ZNF521: variants seen among roughly 807,000 people sequenced by gnomAD.
ZNF521 encodes LYST-interacting protein 3.
Under a neutral mutation model 105.5 loss-of-function variants are expected in ZNF521, and 14 were observed. The ratio of observed to expected loss-of-function variants is 0.13; its 90% CI spans 0.09 to 0.21. The LOEUF is 0.21. Ranked by LOEUF, ZNF521 falls within the 10% of genes least tolerant of loss-of-function variation. The pLI, the probability that ZNF521 is intolerant of heterozygous loss-of-function variation, is 1.00. For synonymous variants in ZNF521, 635 were observed against 606.0 expected (o/e 1.05, Z -0.70); for missense variants, 1,233 against 1,629.7 (o/e 0.76, Z 4.19).
Position 25,226,415 on chromosome 18 carries a change from T to A in ZNF521, c.1503A>T (p.Gly501=). 1 of 1,614,126 alleles carries A rather than the reference T, an allele frequency of 6.2e-7. No individual in the cohort carries two copies. The highest frequency in any genetic ancestry group is 8.5e-7 in the Non-Finnish European group (1 of 1,180,014). ...TLQEHIRCSH[G]FANPAAKDSN... Reference sequence around the variant, plus strand: ...TATCTTTAGCTGCAGGGTTTGCAAATCCATGAGAACATCGGATGTGTTCCT... The same window carrying A: ...TATCTTTAGCTGCAGGGTTTGCAAAACCATGAGAACATCGGATGTGTTCCT... Residue 501 remains glycine (G), a synonymous_variant, in exon 4 of 8, where the codon GGA becomes GGT. Transcript: ENST00000361524. The surrounding 1 kb of genome is among the most constrained non-coding windows in gnomAD (Gnocchi z 4.1).
intron 2 of ZNF521, among the ~76,000 whole-genome samples, chr18:25,340,263 G>A (rs1914123503): frequency 6.6e-6 from 1 of 152,146 alleles, no homozygotes; most frequent in African/African-American, 2.4e-5. Flanking sequence ...GCTGAGGTGA[G>A]AGGATCGCTT....
chr18:25,212,992 T>C (rs2036219323), intron 4 of ZNF521, among the ~76,000 whole-genome samples: 1 of 151,606 alleles, frequency 6.6e-6, no homozygotes, highest in Admixed American at 6.6e-5. Context: ...TATATGACAT[T>C]ATAATCTGTA....
intron 5 of ZNF521, among the ~76,000 whole-genome samples, chr18:25,167,988 C>T (rs1479441963): frequency 6.6e-6 from 1 of 152,082 alleles, no homozygotes. Flanking sequence ...AAGGTGAAAG[C>T]CTAATGAAAC....
At chr18:25,079,317 C>T (rs1462241663) in intron 7 of ZNF521, among the ~76,000 whole-genome samples, 1 of 152,122 alleles carries the variant, frequency 6.6e-6, no homozygotes, top group East Asian at 1.9e-4. Context: ...GTGATGCACA[C>T]CTTGTTTTGT....
At chr18:25,072,870 A>C (rs186893787) in intron 7 of ZNF521, among the ~76,000 whole-genome samples, 10 of 152,302 alleles carry the variant, frequency 6.6e-5, no homozygotes, top group African/African-American at 2.4e-4. Flanking sequence ...GCTAAGCTTT[A>C]ATTTTTTCCC....
intron 7 of ZNF521, among the ~76,000 whole-genome samples, chr18:25,067,511 T>C (rs1446458821): frequency 1.3e-5 from 2 of 152,222 alleles, no homozygotes; most frequent in Non-Finnish European, 2.9e-5. Context: ...CTCCTTTTTT[T>C]CTGAGAGCTG....
intron 3 of ZNF521, among the ~76,000 whole-genome samples, chr18:25,251,243 C>A (rs1160788593): frequency 1.3e-5 from 2 of 152,050 alleles, no homozygotes; most frequent in African/African-American, 4.8e-5. Flanking sequence ...TTTCTTTTTC[C>A]CTTCTCATTT....
At chr18:25,216,049 A>C (rs1247338593) in intron 4 of ZNF521, among the ~76,000 whole-genome samples, 1 of 152,216 alleles carries the variant, frequency 6.6e-6, no homozygotes, top group Non-Finnish European at 1.5e-5. Context: ...TAACCCATTT[A>C]GTTTTTGCTC....
intron 2 of ZNF521, among the ~76,000 whole-genome samples, chr18:25,348,867 A>G (rs1372788340): frequency 6.6e-6 from 1 of 152,194 alleles, no homozygotes; most frequent in Non-Finnish European, 1.5e-5. Flanking sequence ...AATACCGTCA[A>G]CTGACGGATT....
chr18:25,279,471 A>T (rs1910231083), intron 3 of ZNF521, among the ~76,000 whole-genome samples: 1 of 152,218 alleles, frequency 6.6e-6, no homozygotes, highest in Non-Finnish European at 1.5e-5. Flanking sequence ...GGCAACAAAA[A>T]ACTCCACAAC....
intron 5 of ZNF521, among the ~76,000 whole-genome samples, chr18:25,112,688 G>A (rs1457496447): frequency 6.6e-6 from 1 of 152,110 alleles, no homozygotes; most frequent in Non-Finnish European, 1.5e-5. Context: ...ATAATTTTGA[G>A]TTGATTAGGT....
At chr18:25,233,887 T>G (rs1906703045) in intron 3 of ZNF521, among the ~76,000 whole-genome samples, 1 of 152,190 alleles carries the variant, frequency 6.6e-6, no homozygotes. Context: ...TTGCTGTTGC[T>G]TAAAGTTCAT....
At chr18:25,139,220 A>G (rs1407564488) in intron 5 of ZNF521, among the ~76,000 whole-genome samples, 2 of 151,704 alleles carry the variant, frequency 1.3e-5, no homozygotes, top group East Asian at 3.9e-4. Context: ...AATAAAAAAA[A>G]TTAGCTGGGT....
chr18:25,327,442 C>T (rs1913285348), intron 2 of ZNF521: 1 of 1,171,476 alleles, frequency 8.5e-7, no homozygotes, highest in South Asian at 1.7e-5. Flanking sequence ...ATTTAGAAGT[C>T]CCACACCTAA....
chr18:25,344,549 C>T (rs1914378435), intron 2 of ZNF521, among the ~76,000 whole-genome samples: 1 of 152,114 alleles, frequency 6.6e-6, no homozygotes, highest in African/African-American at 2.4e-5. Flanking sequence ...GCATGCATCT[C>T]CCCCACCCCT....
At chr18:25,118,283 A>G (rs1219331775) in intron 5 of ZNF521, among the ~76,000 whole-genome samples, 1 of 152,084 alleles carries the variant, frequency 6.6e-6, no homozygotes, top group Non-Finnish European at 1.5e-5. Flanking sequence ...TGAACTATAA[A>G]GAGTTCTTCT....
intron 4 of ZNF521, among the ~76,000 whole-genome samples, chr18:25,212,608 G>A (rs1247524744): frequency 7.5e-6 from 1 of 132,660 alleles, no homozygotes; most frequent in Non-Finnish European, 1.5e-5. Flanking sequence ...AATTTTCATT[G>A]GAATAGCACT....
At chr18:25,309,143 T>C (rs1912155489) in intron 3 of ZNF521, among the ~76,000 whole-genome samples, 1 of 152,162 alleles carries the variant, frequency 6.6e-6, no homozygotes, top group Non-Finnish European at 1.5e-5. Flanking sequence ...TTAGCGGTAA[T>C]GGAAGGAGGC....
At chr18:25,101,245 T>C (rs1440325237) in intron 5 of ZNF521, among the ~76,000 whole-genome samples, 1 of 151,996 alleles carries the variant, frequency 6.6e-6, no homozygotes, top group Non-Finnish European at 1.5e-5. Flanking sequence ...TTCAACCAAA[T>C]GTGGACTGAA....
Sources: gnomAD v4.1 joint callset for allele counts (sites outside exome capture counted in the v4.1 genomes callset) on GRCh38, gnomAD v4.1.1 for gene constraint, Gnocchi (gnomAD v3.1) non-coding constraint, MANE v1.5 for transcripts, NCBI Gene and HGNC (gene_info 2026-07-23, HGNC 2026-07-21) for gene names.